The following ERMP1 variants were observed in gnomAD, a reference collection of about 807,000 sequenced individuals.
ERMP1 encodes endoplasmic reticulum metallopeptidase 1, also known as Felix-ina.
ERMP1 carries 86 observed loss-of-function variants against 92.0 expected under a neutral mutation model. That is an observed-to-expected ratio of 0.93 (90% confidence interval 0.79 to 1.12). The LOEUF (loss-of-function observed/expected upper bound fraction) is 1.12, where lower values mean the gene tolerates loss of function less well. ERMP1 is among the 50% of genes most tolerant of loss of function. The probability of loss-of-function intolerance (pLI) is 0.00; values close to 1 mark genes in which losing one functional copy is unlikely to be tolerated. For missense variants in ERMP1, 1,342 were observed against 1,116.3 expected, an observed-to-expected ratio of 1.20 and a Z score of -2.88; for synonymous variants, 530 against 412.8, an observed-to-expected ratio of 1.28 and a Z score of -3.44.
In ERMP1 at chr9:5,809,970, G is replaced by C. The variant is rs371583680; in HGVS notation, c.1548+41C>G. 9.6e-6 allele frequency: 13 copies of C among 1,349,702 alleles called. No individual in the cohort carries two copies. In the Middle Eastern group the frequency reaches 7.2e-4, roughly 75 times the overall value. 83.6% of individuals were successfully genotyped at this position (1,349,702 alleles called of 1,614,324 possible). On this transcript the variant is annotated intron_variant, in intron 8 of 14. Transcript: ENST00000339450. ...CACTTAAGTTCATCTTCAGTCCCTG[G>C]AGGCAACAGAAAGAAATCAACAAAT...
At chr9:5,861,187 GT>G (rs1237963352) in intron 5 of ERMP1, among the ~76,000 whole-genome samples, 4 of 139,918 alleles carry the variant, frequency 2.9e-5, no homozygotes, top group African/African-American at 1.0e-4. Flanking sequence ...GTGTGTGTGT[GT>G]GTGTGTGTGT....
intron 6 of ERMP1, among the ~76,000 whole-genome samples, chr9:5,841,590 G>A (rs1456843634): frequency 6.6e-6 from 1 of 152,176 alleles, no homozygotes; most frequent in Non-Finnish European, 1.5e-5. Flanking sequence ...TTGAGGTCAG[G>A]AGATCAAGAC....
At chr9:5,809,061 G>A (rs987280576) in intron 8 of ERMP1, among the ~76,000 whole-genome samples, 1 of 150,648 alleles carries the variant, frequency 6.6e-6, no homozygotes, top group Non-Finnish European at 1.5e-5. Flanking sequence ...TCTCGCTGTC[G>A]CCCCAGCTGG....
intron 11 of ERMP1, 98 bp downstream of exon 11, chr9:5,801,078 C>T (rs1828652052): frequency 7.7e-7 from 1 of 1,299,372 alleles, no homozygotes; most frequent in Non-Finnish European, 1.1e-6. Flanking sequence ...AATAGGTCAA[C>T]AGCAGAAAAG....
intron 5 of ERMP1, among the ~76,000 whole-genome samples, chr9:5,866,660 A>C (rs1563790383): frequency 6.6e-6 from 1 of 152,216 alleles, no homozygotes; most frequent in East Asian, 1.9e-4. Flanking sequence ...ATTTGAACAG[A>C]AGGTCTTCAA....
chr9:5,799,011 G>GAAA lies in ERMP1; in HGVS notation c.2068-6_2068-4dup. The GAAA allele has an allele frequency of 6.3e-7, 1 of 1,575,650 alleles. No homozygotes were observed. The highest frequency in any genetic ancestry group is 8.6e-7 in the Non-Finnish European group (1 of 1,157,636). ...TCATGGAATGTTCTAGTCATATGCT[G>GAAA]AAAAAAAAAGACTAGTGAAAAAACT... On this transcript the variant is annotated splice_region_variant and splice_polypyrimidine_tract_variant and intron_variant, in intron 11 of 14. Transcript: ENST00000339450.
At chr9:5,834,886 G>A (rs1342441709), upstream of ERMP1, among the ~76,000 whole-genome samples, 9 of 151,272 alleles carry the variant, frequency 5.9e-5, no homozygotes, top group Non-Finnish European at 1.2e-4. Flanking sequence ...CAGAGTCCAC[G>A]TGTATTTATC....
At chr9:5,798,106 C>T (rs899147246) in intron 12 of ERMP1, among the ~76,000 whole-genome samples, 174 bp from the exon 13 acceptor site, 1 of 152,176 alleles carries the variant, frequency 6.6e-6, no homozygotes, top group African/African-American at 2.4e-5. Flanking sequence ...AAAACCTTCC[C>T]AATGTTAAGA....
At chr9:5,811,712 C>T (rs1829102581) in intron 6 of ERMP1, among the ~76,000 whole-genome samples, 1 of 152,146 alleles carries the variant, frequency 6.6e-6, no homozygotes, top group African/African-American at 2.4e-5. Flanking sequence ...GTACTAGACA[C>T]TCTTCTAGAT....
intron 6 of ERMP1, among the ~76,000 whole-genome samples, chr9:5,846,835 T>G (rs1830240067): frequency 6.6e-6 from 1 of 152,192 alleles, no homozygotes; most frequent in Admixed American, 6.5e-5. Flanking sequence ...ATTTGAGTTA[T>G]ATCACATTCC....
chr9:5,791,711 C>T (rs1828205275), intron 13 of ERMP1, among the ~76,000 whole-genome samples: 1 of 152,088 alleles, frequency 6.6e-6, no homozygotes, highest in African/African-American at 2.4e-5. Flanking sequence ...CATCTGTCTC[C>T]GTACTAAGCC....
intron 6 of ERMP1, among the ~76,000 whole-genome samples, chr9:5,840,711 C>T (rs1389757047): frequency 6.6e-6 from 1 of 152,220 alleles, no homozygotes; most frequent in Non-Finnish European, 1.5e-5. Context: ...TTGTTATGCC[C>T]GTTTCTTCAT....
intron 13 of ERMP1, among the ~76,000 whole-genome samples, chr9:5,792,115 G>A (rs540467977): frequency 6.6e-6 from 1 of 152,116 alleles, no homozygotes; most frequent in Non-Finnish European, 1.5e-5. Context: ...GTGCAAATAA[G>A]GGTTGGATGT....
At chr9:5,863,229 G>A (rs1363100830) in intron 5 of ERMP1, among the ~76,000 whole-genome samples, 2 of 152,200 alleles carry the variant, frequency 1.3e-5, no homozygotes, top group Admixed American at 1.3e-4. Flanking sequence ...CAGCTTCAGT[G>A]CCTTTGTACT....
chr9:5,862,037 A>T (rs1284076364), intron 5 of ERMP1, among the ~76,000 whole-genome samples: 1 of 151,826 alleles, frequency 6.6e-6, no homozygotes, highest in Non-Finnish European at 1.5e-5. Context: ...GTATGTATGT[A>T]TTTATTTATT....
In ERMP1 at chr9:5,786,798, A is replaced by G. The variant is rs1292446010; in HGVS notation, c.*346T>C. 5.7e-6 allele frequency: 1 copy of G among 175,680 alleles called. No individual in the cohort carries two copies. The allele number at this position is 175,680 out of a possible 1,614,324, so 10.9% of individuals were successfully genotyped here. A position where few individuals can be genotyped will look rare whatever the true frequency, so the allele number is the denominator to read the frequency against. On this transcript the variant is annotated 3_prime_UTR_variant, in exon 15 of 15. Coordinates refer to ENST00000339450, the MANE Select transcript of ERMP1 (RefSeq NM_024896.3). ...GGAAACAACTTTTGTCTCATTAACAATGCTCTGACAGTGTACATCTTTCTT... is the reference window on the plus strand; with the variant it reads ...GGAAACAACTTTTGTCTCATTAACAGTGCTCTGACAGTGTACATCTTTCTT...
chr9:5,820,331 G>C (rs1829483335), intron 4 of ERMP1, among the ~76,000 whole-genome samples: 1 of 152,178 alleles, frequency 6.6e-6, no homozygotes, highest in Non-Finnish European at 1.5e-5. Flanking sequence ...GTAGCAGACA[G>C]AATATGATTC....
intron 8 of ERMP1, 134 bp downstream of exon 8, chr9:5,809,877 G>A (rs1249413770): frequency 1.6e-6 from 1 of 633,180 alleles, no homozygotes; most frequent in East Asian, 2.7e-5. Flanking sequence ...TTAACACAGT[G>A]TAGGTGCGTT....
At chr9:5,788,194 T>C (rs1009064963) in intron 13 of ERMP1, among the ~76,000 whole-genome samples, 17 of 152,082 alleles carry the variant, frequency 1.1e-4, no homozygotes, top group African/African-American at 3.9e-4. Context: ...ATACCCACAT[T>C]TGAAATAACC....
Sources: allele counts gnomAD v4.1 joint callset (sites outside exome capture counted in the v4.1 genomes callset), GRCh38; gene constraint gnomAD v4.1.1; transcripts MANE v1.5; gene names NCBI Gene and HGNC (gene_info 2026-07-23, HGNC 2026-07-21).